Variants in HYDIN observed in about 807,000 individuals in gnomAD.
HYDIN encodes the protein axonemal central pair apparatus protein HYDIN.
In HYDIN, 132 loss-of-function variants were observed where a neutral mutation model predicts 403.9. The observed-to-expected ratio is 0.33, with a 90% CI of 0.28 to 0.38. The LOEUF is 0.38. Ranked by LOEUF, HYDIN falls within the 10% of genes least tolerant of loss-of-function variation. HYDIN has a pLI of 1.00. For missense variants in HYDIN, 2,827 were observed against 5,009.5 expected (o/e 0.56, Z 13.15); for synonymous variants, 1,202 against 1,891.7 (o/e 0.64, Z 9.46).
intron 23 of HYDIN, among the ~76,000 whole-genome samples, chr16:70,998,980 C>T (rs1442703827): frequency 3.9e-5 from 6 of 152,308 alleles, no homozygotes; most frequent in South Asian, 4.1e-4. Context: ...AAAGCAGCCT[C>T]CCCTAGCCCT....
At chr16:71,227,571 C>G (rs1180563676) in intron 1 of HYDIN, among the ~76,000 whole-genome samples, 6 of 152,040 alleles carry the variant, frequency 3.9e-5, no homozygotes, top group Non-Finnish European at 7.4e-5. Context: ...ACAATTGCTT[C>G]AAAGAGAATA....
chr16:70,995,535 G>A (rs1443014964), intron 23 of HYDIN, among the ~76,000 whole-genome samples: 9 of 151,922 alleles, frequency 5.9e-5, no homozygotes, highest in Non-Finnish European at 1.3e-4. Flanking sequence ...GTGCTACAAA[G>A]TTAAAAAAAA....
rs199704165 is a variant in HYDIN, at chr16:70,810,006, C to G, written c.14660G>C (p.Gly4887Ala). 3.7e-6 allele frequency: 6 copies of G among 1,613,786 alleles called. No homozygotes were observed. Among genetic ancestry groups the G allele is most frequent in the Non-Finnish European group, 4.2e-6 (5 of 1,179,870 alleles). The part of the protein sequence containing the change: ...SQFVVPANSE[G>A]TFSFEFQPLK... ...GGGCTGAAATTCAAATGAGAACGTG[C>G]CCTGGAAGAGAAAACAGAGGATCCT... The change falls in exon 85 of 86, where the codon GGC becomes GCC. Residue 4887 changes from glycine (G) to alanine (A), a missense_variant and splice_region_variant. Gly to Ala is a moderately conservative substitution (Grantham distance 60, BLOSUM62 0). Transcript: ENST00000393567.
intron 5 of HYDIN, among the ~76,000 whole-genome samples, chr16:71,165,496 T>A (rs1285101921): frequency 6.7e-6 from 1 of 150,028 alleles, no homozygotes; most frequent in Non-Finnish European, 1.5e-5. Flanking sequence ...TATCGTATAT[T>A]CTACCTCCCC....
At chr16:71,042,457 T>G (rs1468581634) in intron 18 of HYDIN, among the ~76,000 whole-genome samples, 1 of 152,106 alleles carries the variant, frequency 6.6e-6, no homozygotes, top group East Asian at 1.9e-4. Context: ...CCACTCTCCA[T>G]GTCTCTCTCT....
chr16:71,103,684 C>G (rs1345591278), intron 10 of HYDIN, among the ~76,000 whole-genome samples: 1 of 148,400 alleles, frequency 6.7e-6, no homozygotes, highest in African/African-American at 2.5e-5. Context: ...TAGTAGGAGT[C>G]CTTTCATTTT....
intron 1 of HYDIN, among the ~76,000 whole-genome samples, chr16:71,228,573 G>A (rs918268584): frequency 6.6e-6 from 1 of 152,168 alleles, no homozygotes; most frequent in Non-Finnish European, 1.5e-5. Flanking sequence ...ATCATCACTG[G>A]CCATCAGAGA....
rs370160375 is a variant in HYDIN, at chr16:71,186,918, C to A, written c.-23G>T. 16 of 1,593,748 alleles carry A rather than the reference C, an allele frequency of 1.0e-5. No homozygotes were observed. The African/African-American group carries it at 1.6e-4, about 16-fold the overall frequency. ...CATTTTTAGTAATTTTTTTTTCTCA[C>A]CTAAGAGTGAAACAAAAATGTCTTA... is the stretch of plus-strand genomic sequence containing the variant. On this transcript the variant is annotated splice_region_variant and 5_prime_UTR_variant, in exon 2 of 86. Transcript: ENST00000393567.
In HYDIN at chr16:70,838,198, CT is replaced by C. The variant is rs369590871; in HGVS notation, c.13044-311del. Among the ~76,000 whole-genome samples the C allele has an allele frequency of 2.6e-5, 4 of 151,168 alleles. 1 individual carries two copies. The highest frequency in any genetic ancestry group is 4.2e-4 in the South Asian group (2 of 4,746). ...TCTGTATTTCTTTCTTTCTTTCTTT[CT>C]TTTTTTTTGGAGACAGAGTCTCACT... On this transcript the variant is annotated intron_variant, in intron 76 of 85. Coordinates refer to ENST00000393567, the MANE Select transcript of HYDIN (RefSeq NM_001270974.2).
rs751412325 is a variant in HYDIN at position 70,807,795 on chromosome 16, T to A, written c.15151A>T (p.Thr5051Ser). The A allele has an allele frequency of 1.1e-5, 18 of 1,614,014 alleles. No individual in the cohort carries two copies. Among genetic ancestry groups the A allele is most frequent in the Non-Finnish European group, 1.5e-5 (18 of 1,180,026 alleles). The change falls in exon 86 of 86, where the codon ACC becomes TCC. Residue 5051 changes from threonine (T) to serine (S), a missense_variant. Coordinates refer to ENST00000393567, the MANE Select transcript of HYDIN (RefSeq NM_001270974.2). ...GGGTTATCCACGATGATGGAGAAGG[T>A]CACCATGTGATAGAAGACATTCTTG... ...PFKNVFYHMV[T>S]FSIIVDNPAF...
chr16:71,177,702 C>G (rs1206261127), intron 4 of HYDIN, among the ~76,000 whole-genome samples: 1 of 152,172 alleles, frequency 6.6e-6, no homozygotes, highest in Non-Finnish European at 1.5e-5. Flanking sequence ...TCTTAGACCC[C>G]TGAAAGTATT....
intron 73 of HYDIN, among the ~76,000 whole-genome samples, chr16:70,854,407 G>GT (rs2038882774): frequency 1.3e-5 from 2 of 149,158 alleles, no homozygotes; most frequent in East Asian, 4.0e-4. Flanking sequence ...GCTAATTATT[G>GT]TATTTATTTA....
In HYDIN at chr16:71,066,724, T is replaced by C. The variant is rs112580879; in HGVS notation, c.2075+566A>G. 1.7e-4 allele frequency: 63 copies of C among 364,646 alleles called. 1 individual carries two copies. Among genetic ancestry groups the C allele is most frequent in the African/African-American group, 1.1e-3 (54 of 47,224 alleles). The allele number at this position is 364,646 out of a possible 1,614,324, so 22.6% of individuals were successfully genotyped here. ...TCAACAAATGGCTGAGCCAGGATTT[T>C]AACCCAGCTGCCTCTCTCAAAAAGA... On this transcript the variant is annotated intron_variant, in intron 15 of 85. Coordinates refer to ENST00000393567, the MANE Select transcript of HYDIN (RefSeq NM_001270974.2).
intron 3 of HYDIN, among the ~76,000 whole-genome samples, chr16:71,180,104 G>C (rs1465721437): frequency 2.0e-5 from 3 of 151,918 alleles, no homozygotes. Context: ...TCTTTAAAAA[G>C]ATTAATAAAA....
chr16:70,903,344 G>T (rs2076446263), intron 52 of HYDIN, among the ~76,000 whole-genome samples: 2 of 139,222 alleles, frequency 1.4e-5, no homozygotes, highest in South Asian at 4.7e-4. Context: ...AAGAAAGCTG[G>T]TCCTTCTGCA....
At position 71,020,181 on chromosome 16, in the gene HYDIN, G is replaced by A; in HGVS notation, c.3323C>T (p.Thr1108Ile). 1 of 1,613,750 alleles carries A rather than the reference G, an allele frequency of 6.2e-7. No individual in the cohort carries two copies. Among genetic ancestry groups the A allele is most frequent in the Non-Finnish European group, 8.5e-7 (1 of 1,179,940 alleles). Residue 1108 changes from threonine to isoleucine, a missense_variant, in exon 22 of 86, where the codon ACT becomes ATT. Thr to Ile is a moderately conservative substitution (Grantham distance 89). Transcript: ENST00000393567. ...CETDKSLLPA[T>I]PEPIKLEIDE... is the part of the protein sequence containing the mutation. Reference sequence around the variant, plus strand: ...AGACCCCTATTAAGGTACCTCAGGAGTTGCCGGCAGCAGGGATTTATCAGT... The same window carrying A: ...AGACCCCTATTAAGGTACCTCAGGAATTGCCGGCAGCAGGGATTTATCAGT...
At chr16:70,947,872 C>T (rs2077926794) in intron 41 of HYDIN, among the ~76,000 whole-genome samples, 1 of 149,566 alleles carries the variant, frequency 6.7e-6, no homozygotes, top group African/African-American at 2.4e-5. Flanking sequence ...GTGAAAATGG[C>T]CATACTGCCC....
chr16:71,107,294 A>T (rs983553765), intron 10 of HYDIN, among the ~76,000 whole-genome samples: 1 of 151,286 alleles, frequency 6.6e-6, no homozygotes, highest in East Asian at 1.9e-4. Flanking sequence ...CACTTAAAGC[A>T]TAATAAAAAA....
At chr16:71,054,063 C>T (rs1254725664) in intron 18 of HYDIN, among the ~76,000 whole-genome samples, 1 of 152,258 alleles carries the variant, frequency 6.6e-6, no homozygotes, top group African/African-American at 2.4e-5. Flanking sequence ...GAGGACACCG[C>T]AAACCTTAAG....
Sources: gnomAD v4.1 joint callset for allele counts (sites outside exome capture counted in the v4.1 genomes callset) on GRCh38, gnomAD v4.1.1 for gene constraint, MANE v1.5 for transcripts, NCBI Gene and HGNC (gene_info 2026-07-23, HGNC 2026-07-21) for gene names.